The following ABCA4 variants were observed in gnomAD, a reference collection of about 807,000 sequenced individuals.
ABCA4 encodes the protein retinal-specific phospholipid-transporting ATPase ABCA4.
ABCA4 carries 196 observed loss-of-function variants against 263.7 expected under a neutral mutation model. The observed-to-expected ratio is 0.74, with a 90% CI of 0.66 to 0.84. The LOEUF (loss-of-function observed/expected upper bound fraction) is 0.84. Among genes scored for constraint, ABCA4 ranks in the 40% least tolerant of loss-of-function variants. The pLI, the probability that ABCA4 is intolerant of heterozygous loss-of-function variation, is 0.00. For missense variants in ABCA4, 2,792 were observed against 2,855.1 expected, an observed-to-expected ratio of 0.98 and a Z score of 0.50; for synonymous variants, 1,133 against 1,094.2, an observed-to-expected ratio of 1.04 and a Z score of -0.70.
intron 35 of ABCA4, among the ~76,000 whole-genome samples, chr1:94,020,580 G>A (rs1659868784): frequency 6.6e-6 from 1 of 152,192 alleles, no homozygotes; most frequent in African/African-American, 2.4e-5. Flanking sequence ...TCCAGAGGAA[G>A]ACACCAAGGA....
intron 6 of ABCA4, among the ~76,000 whole-genome samples, chr1:94,093,239 T>A (rs563342682): frequency 6.6e-6 from 1 of 152,232 alleles, no homozygotes; most frequent in African/African-American, 2.4e-5. Context: ...ATATTAGTGG[T>A]AGGTAGAAAA....
rs370076001 is a variant in ABCA4 at position 94,036,746 on chromosome 1, A to G, written c.3856T>C (p.Phe1286Leu). The G allele has an allele frequency of 1.2e-6, 2 of 1,614,038 alleles. No individual in the cohort carries two copies. Among genetic ancestry groups the G allele is most frequent in the African/African-American group, 2.7e-5 (2 of 74,920 alleles). Residue 1286 changes from phenylalanine (F) to leucine (L), a missense_variant, in exon 26 of 50, where the codon TTT becomes CTT. Physicochemically the swap from Phe to Leu is conservative, Grantham distance 22. Transcript: ENST00000370225. ...VTEDSDSGPL[F>L]AGGAQQKREN... ...ACTGGCTCCAGCACCATACCCGCAA[A>G]CAGAGGTCCTGAATCAGAATCCTCC...
intron 30 of ABCA4, among the ~76,000 whole-genome samples, chr1:94,025,385 T>C (rs1314288896): frequency 6.6e-6 from 1 of 152,148 alleles, no homozygotes; most frequent in Non-Finnish European, 1.5e-5. Flanking sequence ...GATTCTGTCC[T>C]TGGTCTGCCA....
At chr1:94,005,613 C>A (rs202141900) in intron 43 of ABCA4, 31 bp from the exon 44 acceptor site, 1 of 1,610,112 alleles carries the variant, frequency 6.2e-7, no homozygotes, top group African/African-American at 1.3e-5. Flanking sequence ...ACTGAGTATC[C>A]TTCAAGGAGT....
intron 36 of ABCA4, chr1:94,018,728 T>G (rs1459867089): frequency 2.2e-5 from 9 of 408,268 alleles, no homozygotes; most frequent in Non-Finnish European, 3.8e-5. Context: ...GTTGATGTCA[T>G]AATGATCCCT....
In ABCA4 at chr1:94,031,088, A is replaced by G. The variant is rs1439544282; in HGVS notation, c.4161T>C (p.Ala1387=). 2 of 1,614,172 alleles carry G rather than the reference A, an allele frequency of 1.2e-6. No individual in the cohort carries two copies. Among genetic ancestry groups the G allele is most frequent in the Non-Finnish European group, 1.7e-6 (2 of 1,180,004 alleles). ...IVLPATFVFL[A]LMLSIVIPPF... Reference sequence around the variant, plus strand: ...GAGGGATAACAATAGAAAGCATCAGAGCCAAAAACACAAAGGTAGCCGGGA... The same window carrying G: ...GAGGGATAACAATAGAAAGCATCAGGGCCAAAAACACAAAGGTAGCCGGGA... The change falls in exon 28 of 50, where the codon GCT becomes GCC. Residue 1387 remains alanine, a synonymous_variant. Coordinates refer to ENST00000370225, the MANE Select transcript of ABCA4 (RefSeq NM_000350.3).
At chr1:94,106,735 G>A (rs969055370) in intron 4 of ABCA4, among the ~76,000 whole-genome samples, 1 of 152,164 alleles carries the variant, frequency 6.6e-6, no homozygotes, top group African/African-American at 2.4e-5. Flanking sequence ...CTGGTCATAC[G>A]CCTGTCCTTT....
rs946279526 is a variant in ABCA4, at chr1:94,055,034, A to G, written c.2587+77T>C. 4 of 1,408,220 alleles carry G rather than the reference A, an allele frequency of 2.8e-6. No homozygotes were observed. In the African/African-American group the frequency reaches 5.7e-5, roughly 20 times the overall value. 87.2% of individuals were successfully genotyped at this position (1,408,220 alleles called of 1,614,324 possible). A position where few individuals can be genotyped will look rare whatever the true frequency, so the allele number is the denominator to read the frequency against. On this transcript the variant is annotated intron_variant, in intron 16 of 49. Coordinates refer to ENST00000370225, the MANE Select transcript of ABCA4 (RefSeq NM_000350.3). ...TGACAAAGAGCTTGGAAGAAATGAA[A>G]TTTAAACTAGATGAATGGAGAGGGC... is the stretch of plus-strand genomic sequence containing the variant.
chr1:94,092,317 G>C (rs1052330917), intron 6 of ABCA4, among the ~76,000 whole-genome samples: 1 of 152,222 alleles, frequency 6.6e-6, no homozygotes, highest in Non-Finnish European at 1.5e-5. Flanking sequence ...GTGTGCTGCT[G>C]TGTTCAGTCC....
intron 15 of ABCA4, 119 bp downstream of exon 15, chr1:94,056,482 T>G (rs952944414): frequency 8.7e-7 from 1 of 1,155,580 alleles, no homozygotes; most frequent in Non-Finnish European, 1.3e-6. Context: ...ACGTGAACTT[T>G]TTAACCTTAG....
intron 45 of ABCA4, 149 bp downstream of exon 45, chr1:94,001,709 G>A (rs1157380379): frequency 4.2e-6 from 5 of 1,185,006 alleles, no homozygotes; most frequent in South Asian, 3.9e-5. Flanking sequence ...ACACTGGGCT[G>A]ATCGCTCAAA....
chr1:94,030,866 C>T (rs1392193764), intron 28 of ABCA4, 130 bp downstream of exon 28: 1 of 1,392,326 alleles, frequency 7.2e-7, no homozygotes, highest in Admixed American at 1.9e-5. Flanking sequence ...CTGCAGGCAG[C>T]CCAAAGACCC....
intron 1 of ABCA4, among the ~76,000 whole-genome samples, chr1:94,118,606 G>T (rs1261016902): frequency 1.3e-5 from 2 of 152,198 alleles, no homozygotes; most frequent in Non-Finnish European, 2.9e-5. Context: ...GGTAGCAGGT[G>T]GGGAGCCATC....
rs78713044 is a variant in ABCA4 at position 94,070,548 on chromosome 1, C to T, written c.1554+7142G>A. Among the ~76,000 whole-genome samples, 164 of 152,342 alleles carry T rather than the reference C, an allele frequency of 1.1e-3. 6 individuals are homozygous for T. In the East Asian group the frequency reaches 0.027, roughly 25 times the overall value. On this transcript the variant is annotated intron_variant, in intron 11 of 49. Transcript: ENST00000370225. ...TATGAGCGTCTATTCTATGTGACTA[C>T]AGCTCCACTAAGGTAAGTTGGGAAG...
intron 40 of ABCA4, 89 bp from the exon 41 acceptor site, chr1:94,008,960 C>T: frequency 6.5e-7 from 1 of 1,548,388 alleles, no homozygotes; most frequent in East Asian, 2.3e-5. Context: ...CACTTCCTTG[C>T]TTCTGCTTCC....
chr1:94,011,752 G>A (rs1270233179), intron 38 of ABCA4, among the ~76,000 whole-genome samples: 9 of 152,228 alleles, frequency 5.9e-5, no homozygotes, highest in African/African-American at 2.2e-4. Flanking sequence ...GGCTAACTGT[G>A]AGGAACCTGC....
intron 7 of ABCA4, among the ~76,000 whole-genome samples, chr1:94,082,522 C>CTGT (rs1661729265): frequency 6.9e-6 from 1 of 145,420 alleles, no homozygotes; most frequent in Non-Finnish European, 1.6e-5. Flanking sequence ...GTACAATGGG[C>CTGT]TCTTCTCTAA....
Position 94,015,754 on chromosome 1 carries a change from A to G in ABCA4, c.5297T>C (p.Leu1766Pro). ...SPENLPALVALLLLYGWAVIP... is the reference protein window; with the variant it reads ...SPENLPALVAPLLLYGWAVIP... ...AACGGCTTACCCATACAGCAGGAGCAGTGCCACAAGGGCAGGAAGGTTTTC... is the reference window on the plus strand; with the variant it reads ...AACGGCTTACCCATACAGCAGGAGCGGTGCCACAAGGGCAGGAAGGTTTTC... The change falls in exon 37 of 50, where the codon CTG becomes CCG. Residue 1766 changes from leucine (L) to proline (P), a missense_variant. Physicochemically the swap from Leu to Pro is moderately conservative, Grantham distance 98. Coordinates refer to ENST00000370225, the MANE Select transcript of ABCA4 (RefSeq NM_000350.3). 6.2e-7 allele frequency: 1 copy of G among 1,613,754 alleles called. No individual in the cohort carries two copies. Among genetic ancestry groups the G allele is most frequent in the Non-Finnish European group, 8.5e-7 (1 of 1,179,900 alleles).
intron 20 of ABCA4, 88 bp from the exon 21 acceptor site, chr1:94,043,563 T>A (rs1462670237): frequency 6.4e-7 from 1 of 1,559,664 alleles, no homozygotes; most frequent in Admixed American, 1.8e-5. Flanking sequence ...GGACAAGTAT[T>A]CTTGATTTGG....
Sources: allele counts gnomAD v4.1 joint callset (sites outside exome capture counted in the v4.1 genomes callset), GRCh38; gene constraint gnomAD v4.1.1; transcripts MANE v1.5; gene names NCBI Gene and HGNC (gene_info 2026-07-23, HGNC 2026-07-21).